The following RETREG1 variants were observed in gnomAD, a reference collection of about 807,000 sequenced individuals.
RETREG1 encodes family with sequence similarity 134 member B.
A neutral mutation model predicts 54.8 loss-of-function variants in RETREG1; 44 were observed. The ratio of observed to expected loss-of-function variants is 0.80; its 90% CI spans 0.63 to 1.03. RETREG1 has a LOEUF of 1.03. RETREG1 is among the 50% of genes least tolerant of loss of function. RETREG1 has a pLI of 0.00. For synonymous variants in RETREG1, 217 were observed against 238.5 expected, an observed-to-expected ratio of 0.91 and a Z score of 0.83; for missense variants, 554 against 605.1, an observed-to-expected ratio of 0.92 and a Z score of 0.89.
At chr5:16,541,781 G>GAAGGAAGGAAGGA in intron 3 of RETREG1, among the ~76,000 whole-genome samples, 1 of 144,454 alleles carries the variant, frequency 6.9e-6, no homozygotes, top group South Asian at 2.2e-4. Context: ...AGGAAGGAAG[G>GAAGGAAGGAAGGA]AAGGAAGGAA....
At chr5:16,559,092 T>G (rs2126623485) in intron 3 of RETREG1, among the ~76,000 whole-genome samples, 1 of 152,290 alleles carries the variant, frequency 6.6e-6, no homozygotes, top group South Asian at 2.1e-4. Context: ...CAACCAAAGA[T>G]TCTTGAATCC....
At chr5:16,528,467 T>C (rs1740796257) in intron 3 of RETREG1, among the ~76,000 whole-genome samples, 1 of 152,060 alleles carries the variant, frequency 6.6e-6, no homozygotes, top group South Asian at 2.1e-4. Context: ...GGATATATAT[T>C]CCACCTGCCT....
At chr5:16,491,313 T>A (rs1216031233) in intron 3 of RETREG1, among the ~76,000 whole-genome samples, 1 of 152,234 alleles carries the variant, frequency 6.6e-6, no homozygotes, top group East Asian at 1.9e-4. Context: ...TCAGGGCAAC[T>A]ATGAATTGCA....
At chr5:16,496,013 A>G (rs1445149477) in intron 3 of RETREG1, among the ~76,000 whole-genome samples, 1 of 152,056 alleles carries the variant, frequency 6.6e-6, no homozygotes, top group Non-Finnish European at 1.5e-5. Context: ...TTCTAGTTTT[A>G]TTTATTTAAA....
chr5:16,488,022 A>G (rs533163188), intron 3 of RETREG1, among the ~76,000 whole-genome samples: 6 of 152,326 alleles, frequency 3.9e-5, no homozygotes. Flanking sequence ...CTTACTGAAG[A>G]GATGGAGATG....
At chr5:16,519,586 GCTCCT>G (rs1256949147) in intron 3 of RETREG1, among the ~76,000 whole-genome samples, 1 of 152,098 alleles carries the variant, frequency 6.6e-6, no homozygotes, top group African/African-American at 2.4e-5. Context: ...TTTCCTCAAA[GCTCCT>G]TTCAGCCCAA....
chr5:16,604,049 A>C (rs1266173188), intron 1 of RETREG1, among the ~76,000 whole-genome samples: 1 of 152,248 alleles, frequency 6.6e-6, no homozygotes, highest in African/African-American at 2.4e-5. Context: ...TTTACTTGGA[A>C]AAATAAATTA....
At chr5:16,511,663 G>A (rs567867579) in intron 3 of RETREG1, among the ~76,000 whole-genome samples, 1 of 152,242 alleles carries the variant, frequency 6.6e-6, no homozygotes, top group Non-Finnish European at 1.5e-5. Flanking sequence ...TTACTATAAA[G>A]AAATACCTAA....
chr5:16,584,469 A>G (rs2126328921), intron 1 of RETREG1, among the ~76,000 whole-genome samples: 2 of 152,332 alleles, frequency 1.3e-5, no homozygotes, highest in Admixed American at 1.3e-4. Flanking sequence ...AGTTCTTAAC[A>G]TCTCCTGGCT....
chr5:16,477,894 T>C, intron 7 of RETREG1, 106 bp from the exon 8 acceptor site: 1 of 1,444,694 alleles, frequency 6.9e-7, no homozygotes, highest in African/African-American at 1.4e-5. Context: ...AAAAACCAAA[T>C]GGATATTTTT....
At chr5:16,615,776 G>C (rs1339223266) in intron 1 of RETREG1, 2 of 152,156 alleles carry the variant, frequency 1.3e-5, no homozygotes, top group African/African-American at 2.4e-5. Flanking sequence ...TCAACTTTAA[G>C]GTTCAGAAAT....
At chr5:16,557,067 T>C (rs960278862) in intron 3 of RETREG1, among the ~76,000 whole-genome samples, 6 of 152,188 alleles carry the variant, frequency 3.9e-5, no homozygotes, top group African/African-American at 1.4e-4. Context: ...TGATCTCAGG[T>C]GATCTGCCCG....
intron 1 of RETREG1, among the ~76,000 whole-genome samples, chr5:16,600,995 A>G (rs927570092): frequency 6.6e-6 from 1 of 152,212 alleles, no homozygotes; most frequent in African/African-American, 2.4e-5. Context: ...AACAGAAGAC[A>G]GAGATGAAAA....
intron 3 of RETREG1, among the ~76,000 whole-genome samples, chr5:16,549,510 C>T (rs1295702024): frequency 6.6e-6 from 1 of 152,036 alleles, no homozygotes; most frequent in East Asian, 1.9e-4. Context: ...CTACTTTGAC[C>T]CCCTAGATCA....
chr5:16,515,398 T>G (rs1326700196), intron 3 of RETREG1, among the ~76,000 whole-genome samples: 4 of 152,230 alleles, frequency 2.6e-5, no homozygotes, highest in African/African-American at 9.6e-5. Flanking sequence ...CCAATCTGTT[T>G]TCTTCATATA....
At chr5:16,525,499 A>AC (rs1351775630) in intron 3 of RETREG1, among the ~76,000 whole-genome samples, 2 of 152,144 alleles carry the variant, frequency 1.3e-5, no homozygotes, top group Admixed American at 1.3e-4. Flanking sequence ...GAAGTTACAC[A>AC]CCCCAAAGGC....
chr5:16,510,773 G>C (rs893226733), intron 3 of RETREG1, among the ~76,000 whole-genome samples: 1 of 129,788 alleles, frequency 7.7e-6, no homozygotes, highest in Non-Finnish European at 1.6e-5. Context: ...CTAGGTGACA[G>C]AGTGAGAACC....
chr5:16,548,230 G>T (rs983676013), intron 3 of RETREG1, among the ~76,000 whole-genome samples: 1 of 152,130 alleles, frequency 6.6e-6, no homozygotes, highest in Non-Finnish European at 1.5e-5. Flanking sequence ...GTGGCCAAAG[G>T]TATTTTTCCC....
intron 3 of RETREG1, among the ~76,000 whole-genome samples, chr5:16,565,054 A>C (rs1741971018): frequency 6.6e-6 from 1 of 152,212 alleles, no homozygotes; most frequent in Non-Finnish European, 1.5e-5. Context: ...CAATTCCTAC[A>C]AAAATTCATC....
Sources: allele counts gnomAD v4.1 joint callset (sites outside exome capture counted in the v4.1 genomes callset), GRCh38; gene constraint gnomAD v4.1.1; transcripts MANE v1.5; gene names NCBI Gene and HGNC (gene_info 2026-07-23, HGNC 2026-07-21).